CDKAL1: variants seen among roughly 807,000 people sequenced by gnomAD.
The protein encoded by CDKAL1 is threonylcarbamoyladenosine tRNA methylthiotransferase.
A neutral mutation model predicts 68.2 loss-of-function variants in CDKAL1; 32 were observed. The observed-to-expected ratio is 0.47, with a 90% CI of 0.35 to 0.63. The LOEUF (loss-of-function observed/expected upper bound fraction) is 0.63, where lower values mean the gene tolerates loss of function less well. CDKAL1 is among the 30% of genes least tolerant of loss of function. The pLI is 0.00. For missense variants in CDKAL1, 606 were observed against 696.7 expected, an observed-to-expected ratio of 0.87 and a Z score of 1.47; for synonymous variants, 234 against 244.3, an observed-to-expected ratio of 0.96 and a Z score of 0.39.
At chr6:21,139,053 C>T (rs950973654) in intron 13 of CDKAL1, among the ~76,000 whole-genome samples, 3 of 152,192 alleles carry the variant, frequency 2.0e-5, no homozygotes, top group African/African-American at 7.2e-5. Context: ...AGGAGAGTCT[C>T]CCTGGCTATT....
chr6:21,094,185 G>A (rs1773203374), intron 12 of CDKAL1, among the ~76,000 whole-genome samples: 1 of 152,120 alleles, frequency 6.6e-6, no homozygotes, highest in Non-Finnish European at 1.5e-5. Context: ...AGTGGGCAGG[G>A]GAGGGAATGC....
chr6:20,902,311 TCACACACACACACA>T (rs71658260), intron 9 of CDKAL1, among the ~76,000 whole-genome samples: 4 of 8,218 alleles, frequency 4.9e-4, no homozygotes, highest in South Asian at 5.2e-3. Flanking sequence ...CGTGGTGGAT[TCACACACACACACA>T]CACACACACA....
At chr6:20,577,338 G>A (rs1441632924) in intron 4 of CDKAL1, among the ~76,000 whole-genome samples, 1 of 152,190 alleles carries the variant, frequency 6.6e-6, no homozygotes, top group African/African-American at 2.4e-5. Flanking sequence ...TAGGGGGCGG[G>A]GGTTAGGTGG....
chr6:20,877,277 G>A (rs1049312802), intron 9 of CDKAL1, among the ~76,000 whole-genome samples: 2 of 152,192 alleles, frequency 1.3e-5, no homozygotes, highest in East Asian at 3.9e-4. Context: ...TAAGCATGGT[G>A]ATTCTGACCT....
intron 11 of CDKAL1, among the ~76,000 whole-genome samples, chr6:21,048,514 A>T (rs540162568): frequency 2.2e-4 from 34 of 151,810 alleles, no homozygotes; most frequent in African/African-American, 5.6e-4. Flanking sequence ...GTATATATAT[A>T]TTTTTTTCCA....
At chr6:20,982,816 T>G (rs1766228121) in intron 10 of CDKAL1, among the ~76,000 whole-genome samples, 1 of 152,172 alleles carries the variant, frequency 6.6e-6, no homozygotes, top group African/African-American at 2.4e-5. Flanking sequence ...TAAATAAATC[T>G]ATATTTTTAA....
intron 9 of CDKAL1, among the ~76,000 whole-genome samples, chr6:20,935,082 G>T (rs1172613123): frequency 1.3e-5 from 2 of 152,018 alleles, no homozygotes; most frequent in African/African-American, 4.8e-5. Context: ...TTTTAGTAGA[G>T]ACGGGGTTAC....
chr6:20,770,004 CT>C (rs965962590), intron 7 of CDKAL1, among the ~76,000 whole-genome samples: 1 of 152,106 alleles, frequency 6.6e-6, no homozygotes, highest in Non-Finnish European at 1.5e-5. Context: ...TCACTGCTCA[CT>C]TTTTTTCCAT....
At chr6:20,715,303 T>G (rs1206802473) in intron 5 of CDKAL1, among the ~76,000 whole-genome samples, 1 of 152,158 alleles carries the variant, frequency 6.6e-6, no homozygotes, top group Non-Finnish European at 1.5e-5. Flanking sequence ...CAGATTTAAG[T>G]GAGATGATGC....
intron 9 of CDKAL1, among the ~76,000 whole-genome samples, chr6:20,862,635 TTGTGTGTGTGTGTG>T (rs56736298): frequency 3.9e-4 from 58 of 149,204 alleles, no homozygotes; most frequent in African/African-American, 1.4e-3. Context: ...TCTTTCCAAC[TTGTGTGTGTGTGTG>T]TGTGTGTGTG....
intron 13 of CDKAL1, among the ~76,000 whole-genome samples, chr6:21,145,237 G>A (rs1232526863): frequency 6.6e-6 from 1 of 152,194 alleles, no homozygotes; most frequent in Non-Finnish European, 1.5e-5. Flanking sequence ...ATGATGAAGA[G>A]CAGAAAGTCT....
chr6:20,881,486 CTT>C (rs1157151527), intron 9 of CDKAL1, among the ~76,000 whole-genome samples: 2 of 152,256 alleles, frequency 1.3e-5, no homozygotes, highest in Admixed American at 6.5e-5. Context: ...TGAATGGACT[CTT>C]TCTGTTTTCT....
intron 6 of CDKAL1, among the ~76,000 whole-genome samples, chr6:20,743,218 A>G (rs141209958): frequency 2.1e-3 from 315 of 152,286 alleles, no homozygotes; most frequent in African/African-American, 7.1e-3. Context: ...CAAAATTTCT[A>G]TGATGGGAGG....
chr6:21,072,220 G>T (rs1771813947), intron 12 of CDKAL1, among the ~76,000 whole-genome samples: 1 of 152,156 alleles, frequency 6.6e-6, no homozygotes, highest in African/African-American at 2.4e-5. Flanking sequence ...TTGTTTGGCT[G>T]TTCAGCCTCC....
At chr6:21,090,735 C>T (rs1772960382) in intron 12 of CDKAL1, among the ~76,000 whole-genome samples, 1 of 151,622 alleles carries the variant, frequency 6.6e-6, no homozygotes, top group Non-Finnish European at 1.5e-5. Flanking sequence ...AAGAGAAATT[C>T]ATGAATGTCA....
At chr6:20,930,221 T>C (rs1763373609) in intron 9 of CDKAL1, among the ~76,000 whole-genome samples, 1 of 151,820 alleles carries the variant, frequency 6.6e-6, no homozygotes, top group African/African-American at 2.4e-5. Context: ...TATTTCATTG[T>C]TTTTTCAACT....
At chr6:21,229,191 C>T (rs1234168856) in intron 15 of CDKAL1, among the ~76,000 whole-genome samples, 1 of 152,184 alleles carries the variant, frequency 6.6e-6, no homozygotes, top group East Asian at 1.9e-4. Context: ...TCTTCCCACA[C>T]AATCACATAT....
intron 10 of CDKAL1, among the ~76,000 whole-genome samples, chr6:20,971,176 A>G (rs897662731): frequency 2.6e-5 from 4 of 152,210 alleles, no homozygotes; most frequent in Non-Finnish European, 5.9e-5. Flanking sequence ...TGATACTTTT[A>G]TTAAGAACCA....
At chr6:20,696,281 A>G (rs925289543) in intron 5 of CDKAL1, among the ~76,000 whole-genome samples, 10 of 152,196 alleles carry the variant, frequency 6.6e-5, no homozygotes, top group African/African-American at 1.4e-4. Context: ...ACATTTTTAT[A>G]TTGCTCAGTG....
Sources: gnomAD v4.1 joint callset for allele counts (sites outside exome capture counted in the v4.1 genomes callset) on GRCh38, gnomAD v4.1.1 for gene constraint, MANE v1.5 for transcripts, NCBI Gene and HGNC (gene_info 2026-07-23, HGNC 2026-07-21) for gene names.